CELSR2: variants seen among roughly 807,000 people sequenced by gnomAD.
CELSR2 encodes EGF-like protein 2.
CELSR2 carries 81 observed loss-of-function variants against 251.6 expected under a neutral mutation model. The observed-to-expected ratio is 0.32, with a 90% confidence interval of 0.27 to 0.39. The LOEUF is 0.39. CELSR2 is among the 10% of genes least tolerant of loss of function. The pLI is 1.00. For missense variants in CELSR2, 3,365 were observed against 3,947.7 expected (o/e 0.85, Z 3.96); for synonymous variants, 1,721 against 1,670.5 (o/e 1.03, Z -0.74).
At chr1:109,263,059 C>T (rs1199507539) in intron 7 of CELSR2, 83 bp from the exon 8 acceptor site, 1 of 1,581,866 alleles carries the variant, frequency 6.3e-7, no homozygotes, top group Non-Finnish European at 8.6e-7. Flanking sequence ...TGGAGGGTCT[C>T]AGAGGCCTCT....
intron 16 of CELSR2, 62 bp downstream of exon 16, chr1:109,267,704 C>G (rs1656243158): frequency 6.3e-7 from 1 of 1,580,584 alleles, no homozygotes; most frequent in African/African-American, 1.3e-5. Flanking sequence ...CACTTGCCCC[C>G]ACTCCCATCT....
rs1312965091 is a variant in CELSR2, at chr1:109,258,515, C to T, written c.3394C>T (p.Arg1132Cys). ...DEMLTHSITL[R>C]LEDMSPERFL... is the part of the protein sequence containing the mutation. Reference sequence around the variant, plus strand: ...GATGCTCACCCACAGCATCACGCTGCGCCTGGAGGACATGTCACCCGAGCG... The same window carrying T: ...GATGCTCACCCACAGCATCACGCTGTGCCTGGAGGACATGTCACCCGAGCG... Residue 1132 changes from arginine (R) to cysteine (C), a missense_variant, in exon 2 of 34, where the codon CGC (arginine) becomes TGC (cysteine). Arg to Cys is a radical substitution (Grantham distance 180). Around this residue, in one of 5 missense-constraint regions of CELSR2, gnomAD observed 505 missense variants for 660.0 expected, o/e 0.77. Coordinates refer to ENST00000271332, the MANE Select transcript of CELSR2 (RefSeq NM_001408.3). The T allele has an allele frequency of 1.9e-6, 3 of 1,603,180 alleles. No individual in the cohort carries two copies. Among genetic ancestry groups the T allele is most frequent in the Non-Finnish European group, 2.6e-6 (3 of 1,175,080 alleles).
rs779887405 is a variant in CELSR2, at chr1:109,269,614, C to A, written c.6980+23C>A. The stretch of plus-strand genomic sequence containing the variant: ...CCTGTGAGCCTGCACTGCCCTCGCC[C>A]CCTCAGGCTTCGGGCTGAAAGTCCA... On this transcript the variant is annotated intron_variant, in intron 21 of 33. Transcript: ENST00000271332. This position sits in a 1 kb window ranked among gnomAD's most constrained non-coding sequence, Gnocchi z 6.4. The A allele has an allele frequency of 6.2e-7, 1 of 1,613,410 alleles. No individual in the cohort carries two copies. Among genetic ancestry groups the A allele is most frequent in the Non-Finnish European group, 8.5e-7 (1 of 1,179,444 alleles).
chr1:109,266,021 G>A, intron 14 of CELSR2, 84 bp from the exon 15 acceptor site: 2 of 1,585,272 alleles, frequency 1.3e-6, no homozygotes, highest in Non-Finnish European at 1.7e-6. Context: ...GGGAGGCCTG[G>A]GGAGGCCTAG....
chr1:109,271,108 G>C, intron 25 of CELSR2, 69 bp downstream of exon 25: 1 of 1,504,542 alleles, frequency 6.6e-7, no homozygotes, highest in Non-Finnish European at 9.2e-7. Context: ...TGCTGGGGCC[G>C]CGTGTCCTCA....
At chr1:109,254,629 G>A (rs1236918801) in intron 1 of CELSR2, among the ~76,000 whole-genome samples, 7 of 152,160 alleles carry the variant, frequency 4.6e-5, no homozygotes, top group African/African-American at 1.7e-4. Flanking sequence ...GGGAAGGGAG[G>A]AAAAGAAGAG....
chr1:109,273,430 C>A lies in CELSR2; in HGVS notation c.8510-6C>A, dbSNP rs1402281994. On this transcript the variant is annotated splice_region_variant and splice_polypyrimidine_tract_variant and intron_variant, in intron 32 of 33. Coordinates refer to ENST00000271332, the MANE Select transcript of CELSR2 (RefSeq NM_001408.3). ...CCGCACCTCACAGCCCCGCCCCGGCCCACAGGCATCCTTAAGAAGAAGTGT... is the reference window on the plus strand; with the variant it reads ...CCGCACCTCACAGCCCCGCCCCGGCACACAGGCATCCTTAAGAAGAAGTGT... 1.9e-6 allele frequency: 3 copies of A among 1,610,718 alleles called. No homozygotes were observed. Among genetic ancestry groups the A allele is most frequent in the South Asian group, 2.2e-5 (2 of 90,698 alleles).
rs777086213 is a variant in CELSR2 at position 109,261,190 on chromosome 1, G to A, written c.4107G>A (p.Thr1369=). The stretch of plus-strand genomic sequence containing the variant: ...AGAAGCCCTACTGCCAGGTGACCAC[G>A]CGCAGCTTCCCCGCCCACTCCTTCA... ...DFEKPYCQVT[T]RSFPAHSFIT... Residue 1369 remains threonine, a synonymous_variant, in exon 3 of 34, where the codon ACG becomes ACA. Transcript: ENST00000271332. This position sits in a 1 kb window ranked among gnomAD's most constrained non-coding sequence, Gnocchi z 4.8. 1.1e-4 allele frequency: 170 copies of A among 1,614,016 alleles called. No individual in the cohort carries two copies. Among genetic ancestry groups the A allele is most frequent in the East Asian group, 7.1e-4 (32 of 44,900 alleles).
intron 23 of CELSR2, 139 bp downstream of exon 23, chr1:109,270,272 G>T (rs1656331933): frequency 7.9e-7 from 1 of 1,268,580 alleles, no homozygotes; most frequent in Non-Finnish European, 1.1e-6. Flanking sequence ...TTCCTCTTCT[G>T]TGGCTCCCCC....
Position 109,249,588 on chromosome 1 carries a change from C to CGGGGCCGCGGCGACAGGCA in CELSR2, c.-490_-472dup, listed in dbSNP as rs1553179220. On this transcript the variant is annotated 5_prime_UTR_variant, in exon 1 of 34. Coordinates refer to ENST00000271332, the MANE Select transcript of CELSR2 (RefSeq NM_001408.3). ...AGGCGAGGGAGCGCGGGGCTGGGCC[C>CGGGGCCGCGGCGACAGGCA]GGGGCCGCGGCGACAGGCAGCAGCC... 1.9e-4 allele frequency among the ~76,000 whole-genome samples: 28 copies of CGGGGCCGCGGCGACAGGCA among 148,840 alleles called. No homozygotes were observed. Among genetic ancestry groups the CGGGGCCGCGGCGACAGGCA allele is most frequent in the Non-Finnish European group, 3.6e-4 (24 of 67,086 alleles).
intron 2 of CELSR2, among the ~76,000 whole-genome samples, 170 bp from the exon 3 acceptor site, chr1:109,260,872 A>G (rs930243807): frequency 3.9e-5 from 6 of 152,144 alleles, no homozygotes; most frequent in Admixed American, 6.5e-5. Context: ...GCTGGGGACC[A>G]TAGGTCTCAG....
At position 109,274,282 on chromosome 1, in the gene CELSR2, G is replaced by A; in HGVS notation, c.*233G>A. 1 of 987,928 alleles carries A rather than the reference G, an allele frequency of 1.0e-6. No homozygotes were observed. Among genetic ancestry groups the A allele is most frequent in the Non-Finnish European group, 1.4e-6 (1 of 709,136 alleles). The allele number at this position is 987,928 out of a possible 1,614,324, so 61.2% of individuals were successfully genotyped here. On this transcript the variant is annotated 3_prime_UTR_variant, in exon 34 of 34. Transcript: ENST00000271332. ...CCCTCACTGCACTTTGGACCCCTGG[G>A]GCCAACATCTCCAAGACAAAGTTTT...
Position 109,273,032 on chromosome 1 carries a change from G to A in CELSR2, c.8338+5G>A. The A allele has an allele frequency of 6.2e-7, 1 of 1,607,560 alleles. No individual in the cohort carries two copies. Among genetic ancestry groups the A allele is most frequent in the Non-Finnish European group, 8.5e-7 (1 of 1,176,246 alleles). On this transcript the variant is annotated splice_donor_5th_base_variant and intron_variant, in intron 31 of 33. Transcript: ENST00000271332. ...CCCTGCACAGTACTCCCAAGGGTGGGCCAGCACTGGGGCTGTGGCCTTTGG... is the reference window on the plus strand; with the variant it reads ...CCCTGCACAGTACTCCCAAGGGTGGACCAGCACTGGGGCTGTGGCCTTTGG...
rs999842399 is a variant in CELSR2, at chr1:109,269,281, G to A, written c.6803G>A (p.Arg2268His). The change falls in exon 20 of 34, where the codon CGC (arginine) becomes CAC (histidine). Residue 2268 changes from arginine (R) to histidine (H), a missense_variant. Arg to His is a conservative substitution (Grantham distance 29, BLOSUM62 0). Around this residue, in one of 5 missense-constraint regions of CELSR2, gnomAD observed 2,093 missense variants for 2,382.8 expected, o/e 0.88. Coordinates refer to ENST00000271332, the MANE Select transcript of CELSR2 (RefSeq NM_001408.3). The surrounding 1 kb of genome is among the most constrained non-coding windows in gnomAD (Gnocchi z 6.4). Reference sequence around the variant, plus strand: ...CCTCATAACTATGACCCTGACAAGCGCAGCTTGAGGTCAGCAGCTAGGGGA... The same window carrying A: ...CCTCATAACTATGACCCTGACAAGCACAGCTTGAGGTCAGCAGCTAGGGGA... ...LLPHNYDPDK[R>H]SLRVPKRPII... 6.8e-6 allele frequency: 11 copies of A among 1,613,044 alleles called. No individual in the cohort carries two copies. Among genetic ancestry groups the A allele is most frequent in the East Asian group, 2.2e-5 (1 of 44,894 alleles).
At chr1:109,270,167 A>G (rs780278406) in intron 23 of CELSR2, 34 bp downstream of exon 23, 7 of 1,606,170 alleles carry the variant, frequency 4.4e-6, no homozygotes, top group Non-Finnish European at 6.0e-6. Context: ...AACTGTCCCC[A>G]CCTTCTCAGG....
rs376758757 is a variant in CELSR2, at chr1:109,274,074, G to A, written c.*25G>A. On this transcript the variant is annotated 3_prime_UTR_variant, in exon 34 of 34. Coordinates refer to ENST00000271332, the MANE Select transcript of CELSR2 (RefSeq NM_001408.3). ...ACCCTGGGCCGTGGTTCCTACGCCC[G>A]AGGCTCCCTTCCCTTCCCCAGCCGC... is the stretch of plus-strand genomic sequence containing the variant. 9.9e-6 allele frequency: 16 copies of A among 1,613,796 alleles called. No homozygotes were observed. Among genetic ancestry groups the A allele is most frequent in the African/African-American group, 4.0e-5 (3 of 74,884 alleles).
chr1:109,252,802 C>T lies in CELSR2; in HGVS notation c.2723C>T (p.Thr908Ile). The stretch of plus-strand genomic sequence containing the variant: ...CCAGCCCGCACACCTATGGAAGTGA[C>T]AGTCACTGTGTTGGATGTGAATGAC... ...MPPARTPMEV[T>I]VTVLDVNDNP... is the part of the protein sequence containing the mutation. The change falls in exon 1 of 34, where the codon ACA (threonine) becomes ATA (isoleucine). Residue 908 changes from threonine to isoleucine, a missense_variant. By Grantham distance (89) the Thr-to-Ile change is moderately conservative (BLOSUM62 -1). This residue lies in a region of CELSR2 where 505 missense variants were observed against 660.0 expected (regional missense o/e 0.77). Transcript: ENST00000271332. This position sits in a 1 kb window ranked among gnomAD's most constrained non-coding sequence, Gnocchi z 4.8. 1 of 1,613,992 alleles carries T rather than the reference C, an allele frequency of 6.2e-7. No homozygotes were observed. Among genetic ancestry groups the T allele is most frequent in the Non-Finnish European group, 8.5e-7 (1 of 1,180,034 alleles).
chr1:109,265,057 C>T, intron 12 of CELSR2, 48 bp downstream of exon 12: 1 of 1,612,326 alleles, frequency 6.2e-7, no homozygotes, highest in South Asian at 1.1e-5. Context: ...GCTGCTGCTT[C>T]TCTCTGGTGT....
Position 109,264,154 on chromosome 1 carries a change from G to A in CELSR2, c.5078G>A (p.Arg1693Gln), listed in dbSNP as rs1331813029. The A allele has an allele frequency of 8.1e-6, 13 of 1,609,680 alleles. No individual in the cohort carries two copies. Among genetic ancestry groups the A allele is most frequent in the East Asian group, 6.7e-5 (3 of 44,766 alleles). ...QASSLRLEPG[R>Q]ANDGDWHHAQ... is the part of the protein sequence containing the mutation. Reference sequence around the variant, plus strand: ...TCCTCTCTCCGTCTGGAGCCAGGCCGGGCCAATGACGGTGACTGGCACCAT... The same window carrying A: ...TCCTCTCTCCGTCTGGAGCCAGGCCAGGCCAATGACGGTGACTGGCACCAT... The change falls in exon 10 of 34, where the codon CGG becomes CAG. Residue 1693 changes from arginine (R) to glutamine (Q), a missense_variant. Coordinates refer to ENST00000271332, the MANE Select transcript of CELSR2 (RefSeq NM_001408.3).
Sources: gnomAD v4.1 joint callset for allele counts (sites outside exome capture counted in the v4.1 genomes callset) on GRCh38, gnomAD v4.1.1 for gene constraint, gnomAD v4.1.1 regional missense constraint, Gnocchi (gnomAD v3.1) non-coding constraint, MANE v1.5 for transcripts, NCBI Gene and HGNC (gene_info 2026-07-23, HGNC 2026-07-21) for gene names.